RABGAP1L: variants seen among roughly 807,000 people sequenced by gnomAD.
RABGAP1L encodes the protein RAB GTPase activating protein 1 like, also known as rab GTPase-activating protein 1-like.
A neutral mutation model predicts 137.7 loss-of-function variants in RABGAP1L; 63 were observed. The observed-to-expected ratio is 0.46, with a 90% CI of 0.37 to 0.56. The LOEUF (loss-of-function observed/expected upper bound fraction) is 0.56. RABGAP1L is among the 20% of genes least tolerant of loss of function. RABGAP1L has a pLI of 0.00. For missense variants in RABGAP1L, 1,095 were observed against 1,244.0 expected, an observed-to-expected ratio of 0.88 and a Z score of 1.80; for synonymous variants, 431 against 433.7, an observed-to-expected ratio of 0.99 and a Z score of 0.08.
rs530321737 is a variant in RABGAP1L at position 174,193,934 on chromosome 1, CATTTT to C, written c.-33-25188_-33-25184del. Reference sequence around the variant, plus strand: ...GCTGTTCTAAGCACTTATGGTAACTCATTTTATGTTAACAACAATCCTGTGAGATG... The same window carrying C: ...GCTGTTCTAAGCACTTATGGTAACTCATGTTAACAACAATCCTGTGAGATG... On this transcript the variant is annotated intron_variant, in intron 1 of 25. Transcript: ENST00000681986. 4.6e-5 allele frequency among the ~76,000 whole-genome samples: 7 copies of C among 152,156 alleles called. No individual in the cohort carries two copies. In the South Asian group the frequency reaches 6.2e-4, roughly 14 times the overall value.
chr1:174,613,338 T>G (rs1471004004), intron 13 of RABGAP1L, among the ~76,000 whole-genome samples: 1 of 152,170 alleles, frequency 6.6e-6, no homozygotes, highest in African/African-American at 2.4e-5. Flanking sequence ...CAGGAGCAGG[T>G]TGTTCAGTTT....
chr1:174,540,010 T>C (rs920411430), intron 13 of RABGAP1L, among the ~76,000 whole-genome samples: 7 of 152,244 alleles, frequency 4.6e-5, no homozygotes, highest in African/African-American at 1.7e-4. Context: ...TGGTATCTCA[T>C]TGTGGTTTTG....
intron 1 of RABGAP1L, among the ~76,000 whole-genome samples, chr1:174,208,152 G>A (rs995454686): frequency 1.3e-5 from 2 of 152,026 alleles, no homozygotes; most frequent in South Asian, 4.1e-4. Flanking sequence ...AAATGATACT[G>A]CTTTTCTAAC....
chr1:174,567,384 T>C (rs1453635542), intron 13 of RABGAP1L, among the ~76,000 whole-genome samples: 1 of 152,228 alleles, frequency 6.6e-6, no homozygotes, highest in East Asian at 1.9e-4. Flanking sequence ...ATTATTCTGT[T>C]ATATGTGTAG....
At chr1:174,881,179 G>A (rs534837066) in intron 19 of RABGAP1L, among the ~76,000 whole-genome samples, 47 of 152,270 alleles carry the variant, frequency 3.1e-4, no homozygotes, top group African/African-American at 1.1e-3. Flanking sequence ...TTTGTAGATT[G>A]TGTGTATATT....
At chr1:174,478,668 C>T (rs1436320712) in intron 13 of RABGAP1L, among the ~76,000 whole-genome samples, 1 of 152,026 alleles carries the variant, frequency 6.6e-6, no homozygotes, top group Non-Finnish European at 1.5e-5. Flanking sequence ...GAAAATGTAA[C>T]TTTTTGAATG....
intron 13 of RABGAP1L, among the ~76,000 whole-genome samples, chr1:174,590,344 T>A (rs546179447): frequency 6.5e-4 from 88 of 135,078 alleles, no homozygotes; most frequent in South Asian, 2.1e-3. Context: ...TTCTTTTTTT[T>A]TTTATTTATT....
intron 13 of RABGAP1L, among the ~76,000 whole-genome samples, chr1:174,513,539 A>G (rs1019358273): frequency 2.4e-4 from 36 of 152,106 alleles, no homozygotes; most frequent in East Asian, 1.9e-4. Flanking sequence ...CTTGAGCCCA[A>G]GAGGTTGAGG....
intron 19 of RABGAP1L, among the ~76,000 whole-genome samples, chr1:174,895,298 A>G (rs140309451): frequency 6.6e-6 from 1 of 152,362 alleles, no homozygotes; most frequent in East Asian, 1.9e-4. Flanking sequence ...GTATCCCACT[A>G]TTAAGTGCCA....
intron 14 of RABGAP1L, among the ~76,000 whole-genome samples, chr1:174,680,142 G>A (rs1385951665): frequency 2.0e-5 from 3 of 152,160 alleles, no homozygotes; most frequent in African/African-American, 4.8e-5. Flanking sequence ...CCATAGACTG[G>A]GAAAACATAT....
At chr1:174,960,811 TA>T (rs1177941658) in intron 20 of RABGAP1L, among the ~76,000 whole-genome samples, 1 of 152,188 alleles carries the variant, frequency 6.6e-6, no homozygotes, top group Non-Finnish European at 1.5e-5. Flanking sequence ...ATTTGCAGAA[TA>T]AAAGCCAACA....
In RABGAP1L at chr1:174,990,128, C is replaced by G. The variant is rs993661160; in HGVS notation, c.*127C>G. ...AACAAGCCAGAATTTTTCAGTAGCT[C>G]TCACTCTTTCTTGTATGACACTTTT... On this transcript the variant is annotated 3_prime_UTR_variant, in exon 26 of 26. Coordinates refer to ENST00000681986, the MANE Select transcript of RABGAP1L (RefSeq NM_001366446.1). 8.4e-6 allele frequency: 10 copies of G among 1,185,270 alleles called. No individual in the cohort carries two copies. In the African/African-American group the frequency reaches 1.2e-4, roughly 15 times the overall value. The allele number at this position is 1,185,270 out of a possible 1,614,324, so 73.4% of individuals were successfully genotyped here.
intron 19 of RABGAP1L, among the ~76,000 whole-genome samples, chr1:174,916,187 C>T (rs1409758032): frequency 2.0e-5 from 3 of 151,522 alleles, no homozygotes; most frequent in Non-Finnish European, 2.9e-5. Context: ...TATTCTTTCC[C>T]CTATTGAATT....
chr1:174,762,188 C>T (rs1183786449), intron 18 of RABGAP1L, among the ~76,000 whole-genome samples: 1 of 152,118 alleles, frequency 6.6e-6, no homozygotes, highest in African/African-American at 2.4e-5. Flanking sequence ...TTAAAGGCCT[C>T]CATTGCTCTT....
chr1:174,210,037 T>G (rs747295960), intron 1 of RABGAP1L, among the ~76,000 whole-genome samples: 3 of 152,196 alleles, frequency 2.0e-5, no homozygotes, highest in Non-Finnish European at 4.4e-5. Flanking sequence ...TCCACAGTGT[T>G]ACTGGGTTTG....
intron 17 of RABGAP1L, among the ~76,000 whole-genome samples, chr1:174,748,987 G>A (rs1017644089): frequency 4.0e-5 from 6 of 151,872 alleles, no homozygotes; most frequent in Non-Finnish European, 5.9e-5. Context: ...GACTAGCCTG[G>A]CCAAAATGGT....
At chr1:174,171,406 T>C (rs1173781841) in intron 1 of RABGAP1L, among the ~76,000 whole-genome samples, 1 of 152,186 alleles carries the variant, frequency 6.6e-6, no homozygotes, top group Admixed American at 6.5e-5. Context: ...TATGTTTTGA[T>C]ACACAGATAC....
At chr1:174,947,481 G>A (rs946955698) in intron 19 of RABGAP1L, among the ~76,000 whole-genome samples, 5 of 151,850 alleles carry the variant, frequency 3.3e-5, no homozygotes, top group African/African-American at 1.2e-4. Flanking sequence ...ACAATGCCGC[G>A]ATCTTGGCTC....
intron 10 of RABGAP1L, among the ~76,000 whole-genome samples, chr1:174,287,321 T>G (rs1457702127): frequency 6.6e-6 from 1 of 152,236 alleles, no homozygotes; most frequent in Non-Finnish European, 1.5e-5. Context: ...ACTTAAAGTC[T>G]ACTTTGTCTG....
Sources: allele counts gnomAD v4.1 joint callset (sites outside exome capture counted in the v4.1 genomes callset), GRCh38; gene constraint gnomAD v4.1.1; transcripts MANE v1.5; gene names NCBI Gene and HGNC (gene_info 2026-07-23, HGNC 2026-07-21).